PITPNB: variants seen among roughly 807,000 people sequenced by gnomAD.
PITPNB encodes phosphatidylinositol transfer protein beta.
A neutral mutation model predicts 45.9 loss-of-function variants in PITPNB; 16 were observed. That is an observed-to-expected ratio of 0.35 (90% CI 0.24 to 0.53). The LOEUF (loss-of-function observed/expected upper bound fraction) is 0.53, where lower values mean the gene tolerates loss of function less well. PITPNB is among the 20% of genes least tolerant of loss of function. The pLI, the probability that PITPNB is intolerant of heterozygous loss-of-function variation, is 0.93. For missense variants in PITPNB, 188 were observed against 330.5 expected, an observed-to-expected ratio of 0.57 and a Z score of 3.34; for synonymous variants, 112 against 108.9, an observed-to-expected ratio of 1.03 and a Z score of -0.18.
chr22:27,896,496 T>C (rs1200367419), intron 6 of PITPNB, 56 bp downstream of exon 6: 18 of 1,099,596 alleles, frequency 1.6e-5, no homozygotes, highest in East Asian at 2.4e-5. Context: ...GTGAACTACA[T>C]ATAGAATTCT....
intron 8 of PITPNB, among the ~76,000 whole-genome samples, chr22:27,865,831 C>T (rs940499249): frequency 6.6e-6 from 1 of 152,154 alleles, no homozygotes; most frequent in Non-Finnish European, 1.5e-5. Flanking sequence ...AACAAACCTT[C>T]ACATGTACCC....
At chr22:27,859,659 A>AT (rs1934264173) in intron 9 of PITPNB, among the ~76,000 whole-genome samples, 1 of 152,194 alleles carries the variant, frequency 6.6e-6, no homozygotes, top group African/African-American at 2.4e-5. Flanking sequence ...CAGTGTGCCC[A>AT]TTTTTCAGTA....
rs1185459427 is a variant in PITPNB at position 27,911,062 on chromosome 22, C to T, written c.99G>A (p.Glu33=). The change falls in exon 3 of 12, where the codon GAG becomes GAA. Residue 33 remains glutamate (E), a synonymous_variant. Transcript: ENST00000335272. ...CTTCAATTCCTTCTCCACCACCAGT[C>T]TCATTCTTACTAGCTTCTGCAACAG... ...LYSVAEASKN[E]TGGGEGIEVL... is the part of the protein sequence containing the mutation. 6.2e-7 allele frequency: 1 copy of T among 1,611,758 alleles called. No homozygotes were observed. The highest frequency in any genetic ancestry group is 8.5e-7 in the Non-Finnish European group (1 of 1,177,918).
At chr22:27,885,800 C>T (rs1935107503) in intron 7 of PITPNB, among the ~76,000 whole-genome samples, 1 of 152,120 alleles carries the variant, frequency 6.6e-6, no homozygotes, top group Non-Finnish European at 1.5e-5. Flanking sequence ...TCCAAAAAGC[C>T]TTTTCTTCTT....
intron 9 of PITPNB, 129 bp from the exon 10 acceptor site, chr22:27,858,638 T>A: frequency 1.6e-6 from 1 of 627,032 alleles, no homozygotes; most frequent in Non-Finnish European, 2.6e-6. Flanking sequence ...CTCTGTAGAT[T>A]TGTGGAAATC....
intron 3 of PITPNB, among the ~76,000 whole-genome samples, chr22:27,900,488 T>C (rs1204346779): frequency 6.6e-6 from 1 of 152,200 alleles, no homozygotes; most frequent in Non-Finnish European, 1.5e-5. Context: ...TTTCCCACCA[T>C]GTGAATTCCA....
intron 7 of PITPNB, among the ~76,000 whole-genome samples, chr22:27,883,610 C>G (rs140039335): frequency 6.6e-6 from 1 of 152,236 alleles, no homozygotes; most frequent in African/African-American, 2.4e-5. Context: ...TGCCTGCGGG[C>G]AGACCACACT....
chr22:27,853,435 T>A lies in PITPNB; in HGVS notation c.*267A>T. The A allele has an allele frequency of 1.7e-6, 1 of 592,774 alleles. No individual in the cohort carries two copies. Among genetic ancestry groups the A allele is most frequent in the South Asian group, 2.2e-5 (1 of 45,282 alleles). The allele number at this position is 592,774 out of a possible 1,614,324, so 36.7% of individuals were successfully genotyped here. A position where few individuals can be genotyped will look rare whatever the true frequency, so the allele number is the denominator to read the frequency against. On this transcript the variant is annotated 3_prime_UTR_variant, in exon 12 of 12. Coordinates refer to ENST00000335272, the MANE Select transcript of PITPNB (RefSeq NM_012399.5). Reference sequence around the variant, plus strand: ...TCCCTTCAGTATGTCTGTATGTACATATATACACAAGTGTGTGTATCTGGA... The same window carrying A: ...TCCCTTCAGTATGTCTGTATGTACAAATATACACAAGTGTGTGTATCTGGA...
chr22:27,854,823 G>A (rs1451661693), intron 11 of PITPNB, 31 bp downstream of exon 11: 122 of 1,428,534 alleles, frequency 8.5e-5, no homozygotes, highest in African/African-American at 2.5e-4. Context: ...TACAGGTTTC[G>A]AAACATCTTT....
chr22:27,873,229 T>C (rs1934720220), intron 8 of PITPNB, among the ~76,000 whole-genome samples: 1 of 152,190 alleles, frequency 6.6e-6, no homozygotes, highest in Non-Finnish European at 1.5e-5. Flanking sequence ...ATTGCACCAC[T>C]GCACCCCAGC....
intron 7 of PITPNB, among the ~76,000 whole-genome samples, chr22:27,878,063 G>C (rs1440539471): frequency 6.6e-6 from 1 of 152,188 alleles, no homozygotes; most frequent in Non-Finnish European, 1.5e-5. Flanking sequence ...AGCATACAAT[G>C]ATTAATTAGG....
chr22:27,887,601 G>A (rs1208635705), intron 7 of PITPNB, among the ~76,000 whole-genome samples: 9 of 151,970 alleles, frequency 5.9e-5, no homozygotes, highest in Admixed American at 4.6e-4. Context: ...TCCATGGGGT[G>A]CAGCCCCACC....
intron 10 of PITPNB, among the ~76,000 whole-genome samples, chr22:27,857,031 C>T (rs758911955): frequency 6.6e-6 from 1 of 152,116 alleles, no homozygotes; most frequent in African/African-American, 2.4e-5. Context: ...AAGTGTTTTG[C>T]CTGTGGCTAG....
At chr22:27,914,409 T>G (rs1018167923) in intron 1 of PITPNB, 62 bp from the exon 2 acceptor site, 3 of 986,818 alleles carry the variant, frequency 3.0e-6, no homozygotes, top group Admixed American at 2.1e-5. Flanking sequence ...CACAGATCTC[T>G]GAAGAGGTTT....
intron 9 of PITPNB, among the ~76,000 whole-genome samples, chr22:27,858,861 TTTC>T (rs1348856559): frequency 6.6e-6 from 1 of 152,212 alleles, no homozygotes; most frequent in Non-Finnish European, 1.5e-5. Context: ...GTCAACTAGA[TTTC>T]TTCTGCTATA....
chr22:27,917,811 C>G lies in PITPNB; in HGVS notation c.20+1361G>C, dbSNP rs535344902. The stretch of plus-strand genomic sequence containing the variant: ...AAATAATAATAATAAATTGTATTGG[C>G]ATGTTGGATGGTGATAAGTACTATG... On this transcript the variant is annotated intron_variant, in intron 1 of 11. Coordinates refer to ENST00000335272, the MANE Select transcript of PITPNB (RefSeq NM_012399.5). 2.6e-5 allele frequency among the ~76,000 whole-genome samples: 4 copies of G among 152,160 alleles called. No individual in the cohort carries two copies. The South Asian group carries it at 8.3e-4, about 32-fold the overall frequency.
intron 8 of PITPNB, among the ~76,000 whole-genome samples, chr22:27,866,886 T>C (rs1357132398): frequency 6.6e-6 from 1 of 152,228 alleles, no homozygotes; most frequent in Non-Finnish European, 1.5e-5. Flanking sequence ...TGCCAGTGTG[T>C]GTGCATCAGT....
intron 8 of PITPNB, among the ~76,000 whole-genome samples, chr22:27,869,662 G>A (rs1934593941): frequency 6.6e-6 from 1 of 152,052 alleles, no homozygotes; most frequent in African/African-American, 2.4e-5. Context: ...ATAAATACAG[G>A]GGCACATTTA....
intron 3 of PITPNB, 23 bp downstream of exon 3, chr22:27,910,941 C>T (rs776659160): frequency 8.8e-6 from 14 of 1,596,038 alleles, no homozygotes; most frequent in Middle Eastern, 1.7e-4. Flanking sequence ...AGTTACAAGG[C>T]GTCAAATGTG....
Sources: gnomAD v4.1 joint callset for allele counts (sites outside exome capture counted in the v4.1 genomes callset) on GRCh38, gnomAD v4.1.1 for gene constraint, MANE v1.5 for transcripts, NCBI Gene and HGNC (gene_info 2026-07-23, HGNC 2026-07-21) for gene names.